COL23A1: variants seen among roughly 807,000 people sequenced by gnomAD.
COL23A1 encodes the protein collagen type XXIII alpha 1 chain, also known as collagen alpha-1(XXIII) chain.
In COL23A1, 97 loss-of-function variants were observed where a neutral mutation model predicts 99.3. The ratio of observed to expected loss-of-function variants is 0.98; its 90% CI spans 0.83 to 1.16. The LOEUF (loss-of-function observed/expected upper bound fraction) is 1.16. COL23A1 is among the 50% of genes most tolerant of loss of function. The probability of loss-of-function intolerance (pLI) is 0.00; values close to 1 mark genes in which losing one functional copy is unlikely to be tolerated. For missense variants in COL23A1, 762 were observed against 757.4 expected, an observed-to-expected ratio of 1.01 and a Z score of -0.07; for synonymous variants, 320 against 308.2, an observed-to-expected ratio of 1.04 and a Z score of -0.40.
intron 2 of COL23A1, among the ~76,000 whole-genome samples, chr5:178,492,782 T>C (rs1757999745): frequency 6.6e-6 from 1 of 151,942 alleles, no homozygotes; most frequent in Non-Finnish European, 1.5e-5. Context: ...GTGTCTGGCC[T>C]GGGCACTGGG....
intron 2 of COL23A1, among the ~76,000 whole-genome samples, chr5:178,339,881 CTGAGAGATTTTCAGGAGTG>C (rs1760555661): frequency 6.6e-6 from 1 of 152,172 alleles, no homozygotes; most frequent in Admixed American, 6.5e-5. Flanking sequence ...CATGGGTAAC[CTGAGAGATTTTCAGGAGTG>C]ATTTGGAACA....
chr5:178,426,867 G>A (rs1019034599), intron 2 of COL23A1, among the ~76,000 whole-genome samples: 1 of 152,192 alleles, frequency 6.6e-6, no homozygotes. Context: ...TACGAGAGAC[G>A]CTGCCCATCA....
chr5:178,287,108 C>T (rs2973770), intron 5 of COL23A1, among the ~76,000 whole-genome samples: 94,842 of 152,166 alleles, frequency 0.62, 30,771 homozygotes, highest in Non-Finnish European at 0.73. Flanking sequence ...TCCGGGCTGC[C>T]GTGTGCAGGA....
At chr5:178,303,642 C>T (rs1758190047) in intron 3 of COL23A1, among the ~76,000 whole-genome samples, 1 of 152,244 alleles carries the variant, frequency 6.6e-6, no homozygotes, top group East Asian at 1.9e-4. Context: ...CGGGAAGTGC[C>T]TCCGTTTGTC....
chr5:178,588,968 G>A lies in COL23A1; in HGVS notation c.294+936C>T, dbSNP rs193161882. Among the ~76,000 whole-genome samples the A allele has an allele frequency of 1.1e-4, 17 of 152,310 alleles. 1 individual carries two copies. In the East Asian group the frequency reaches 1.2e-3, roughly 10 times the overall value. On this transcript the variant is annotated intron_variant, in intron 1 of 28. Coordinates refer to ENST00000390654, the MANE Select transcript of COL23A1 (RefSeq NM_173465.4). ...CCATCTATCCCAGGAGAAGGAGGAA[G>A]GCTCGGCAGGGGAGGCTCTGGCCAG... is the stretch of plus-strand genomic sequence containing the variant.
chr5:178,303,950 G>A (rs1314293983), intron 3 of COL23A1, among the ~76,000 whole-genome samples: 2 of 152,178 alleles, frequency 1.3e-5, no homozygotes, highest in Non-Finnish European at 2.9e-5. Context: ...TCTGGGAGGA[G>A]AGAGGATCCT....
At position 178,263,287 on chromosome 5, in the gene COL23A1, C is replaced by T; in HGVS notation, c.560G>A (p.Gly187Glu). 6.2e-7 allele frequency: 1 copy of T among 1,608,958 alleles called. No homozygotes were observed. Among genetic ancestry groups the T allele is most frequent in the Non-Finnish European group, 8.5e-7 (1 of 1,178,540 alleles). ...CCGGGCCCCAGGAGGTCCAGGGGGC[C>T]CCGGAGGCCCAGCAGCTCCATCTTG... ...QGQDGAAGPP[G>E]PPGPPGARGP... The change falls in exon 9 of 29, where the codon GGG becomes GAG. Residue 187 changes from glycine to glutamate, a missense_variant. Coordinates refer to ENST00000390654, the MANE Select transcript of COL23A1 (RefSeq NM_173465.4).
intron 2 of COL23A1, among the ~76,000 whole-genome samples, chr5:178,422,291 T>C (rs1765674870): frequency 1.3e-5 from 2 of 152,238 alleles, no homozygotes; most frequent in African/African-American, 4.8e-5. Context: ...TCCTGCACGT[T>C]CTTGCCCGAA....
At chr5:178,521,226 G>C (rs1032728772) in intron 2 of COL23A1, among the ~76,000 whole-genome samples, 3 of 152,150 alleles carry the variant, frequency 2.0e-5, no homozygotes, top group Non-Finnish European at 4.4e-5. Context: ...TGTGGTTATG[G>C]GGCACATGAC....
At chr5:178,266,482 C>T (rs1259141056) in intron 8 of COL23A1, among the ~76,000 whole-genome samples, 1 of 151,994 alleles carries the variant, frequency 6.6e-6, no homozygotes, top group Non-Finnish European at 1.5e-5. Context: ...GGGAGGAGAT[C>T]CACTCTTCAT....
At chr5:178,530,473 A>G (rs1229424545) in intron 2 of COL23A1, among the ~76,000 whole-genome samples, 1 of 152,168 alleles carries the variant, frequency 6.6e-6, no homozygotes, top group East Asian at 1.9e-4. Flanking sequence ...AAAAAAAGGC[A>G]GAGTCTAACT....
At chr5:178,273,928 C>A (rs1167358741) in intron 5 of COL23A1, among the ~76,000 whole-genome samples, 2 of 152,220 alleles carry the variant, frequency 1.3e-5, no homozygotes, top group Admixed American at 1.3e-4. Context: ...GCCCTCTGGG[C>A]CGGAGGACCC....
intron 5 of COL23A1, among the ~76,000 whole-genome samples, chr5:178,278,767 C>T (rs1162411102): frequency 6.6e-6 from 1 of 152,218 alleles, no homozygotes; most frequent in East Asian, 1.9e-4. Context: ...TGGGAGTGAG[C>T]TGCTGAATTT....
rs373602275 is a variant in COL23A1, at chr5:178,249,118, G to A, written c.1148C>T (p.Pro383Leu). The part of the protein sequence containing the change: ...EAGEMGLSGL[P>L]GADGLKGEKG... ...GTGTGGCCCAACCCAGCCACATACC[G>A]GGAGGCCGGACAAGCCCATCTCGCC... Residue 383 changes from proline (P) to leucine (L), a missense_variant and splice_region_variant, in exon 19 of 29, where the codon CCG (proline) becomes CTG (leucine). Coordinates refer to ENST00000390654, the MANE Select transcript of COL23A1 (RefSeq NM_173465.4). 64 of 1,614,112 alleles carry A rather than the reference G, an allele frequency of 4.0e-5. No individual in the cohort carries two copies. The African/African-American group carries it at 5.7e-4, about 14-fold the overall frequency.
intron 5 of COL23A1, among the ~76,000 whole-genome samples, chr5:178,286,485 A>G (rs1002508250): frequency 2.0e-5 from 3 of 152,196 alleles, no homozygotes; most frequent in Admixed American, 6.5e-5. Context: ...TTCGTCTTTA[A>G]TTCCCGACAG....
chr5:178,435,055 G>A (rs1218301092), intron 2 of COL23A1, among the ~76,000 whole-genome samples: 1 of 152,196 alleles, frequency 6.6e-6, no homozygotes, highest in East Asian at 1.9e-4. Context: ...CCAGCGGGGC[G>A]AGCAATAATC....
chr5:178,340,890 C>T lies in COL23A1; in HGVS notation c.362-33971G>A, dbSNP rs888942992. On this transcript the variant is annotated intron_variant, in intron 2 of 28. Coordinates refer to ENST00000390654, the MANE Select transcript of COL23A1 (RefSeq NM_173465.4). The surrounding 1 kb of genome is among the most constrained non-coding windows in gnomAD (Gnocchi z 4.7). ...GCAGCATGGCTGATGTGCATGGGCG[C>T]GGGGCTCAAGGTCAGACCCCGCAGG... 3.3e-5 allele frequency among the ~76,000 whole-genome samples: 5 copies of T among 152,190 alleles called. No homozygotes were observed. Among genetic ancestry groups the T allele is most frequent in the African/African-American group, 7.2e-5 (3 of 41,436 alleles).
intron 2 of COL23A1, among the ~76,000 whole-genome samples, chr5:178,429,770 T>C (rs1271227820): frequency 6.6e-6 from 1 of 152,170 alleles, no homozygotes; most frequent in African/African-American, 2.4e-5. Flanking sequence ...CCACCCTCTA[T>C]GGCTCCCCAT....
intron 8 of COL23A1, among the ~76,000 whole-genome samples, chr5:178,264,337 T>TAA (rs34489295): frequency 1.4e-5 from 2 of 141,574 alleles, no homozygotes. Context: ...AAAATAAAAG[T>TAA]AAAAAAAAAA....
Sources: allele counts gnomAD v4.1 joint callset (sites outside exome capture counted in the v4.1 genomes callset), GRCh38; gene constraint gnomAD v4.1.1; non-coding constraint Gnocchi (gnomAD v3.1); transcripts MANE v1.5; gene names NCBI Gene and HGNC (gene_info 2026-07-23, HGNC 2026-07-21).